Variants in TTC28 observed in about 807,000 individuals in gnomAD.
TTC28 encodes the protein tetratricopeptide repeat protein 28.
Under a neutral mutation model 198.0 loss-of-function variants are expected in TTC28, and 61 were observed. The observed-to-expected ratio is 0.31, with a 90% confidence interval of 0.25 to 0.38. The LOEUF is 0.38. Ranked by LOEUF, TTC28 falls within the 10% of genes least tolerant of loss-of-function variation. The pLI, the probability that TTC28 is intolerant of heterozygous loss-of-function variation, is 1.00. For synonymous variants in TTC28, 1,171 were observed against 1,297.8 expected (o/e 0.90, Z 2.10); for missense variants, 2,678 against 3,164.0 (o/e 0.85, Z 3.69).
intron 2 of TTC28, among the ~76,000 whole-genome samples, chr22:28,349,516 C>T (rs1161986552): frequency 6.6e-6 from 1 of 152,118 alleles, no homozygotes; most frequent in African/African-American, 2.4e-5. Flanking sequence ...AAAGAGCAAA[C>T]TCTCTCAGAC....
chr22:28,363,863 T>A (rs1055466441), intron 2 of TTC28, among the ~76,000 whole-genome samples: 18 of 152,302 alleles, frequency 1.2e-4, no homozygotes, highest in African/African-American at 4.3e-4. Context: ...AATGGCTGTA[T>A]TTTACCCAAT....
At chr22:28,058,982 A>G (rs73880381) in intron 12 of TTC28, among the ~76,000 whole-genome samples, 10,493 of 151,972 alleles carry the variant, frequency 0.069, 424 homozygotes, top group South Asian at 0.091. Flanking sequence ...TTCATGTTCC[A>G]TCTCTTTCCT....
At chr22:28,159,056 C>T (rs2147041095) in intron 6 of TTC28, among the ~76,000 whole-genome samples, 1 of 152,234 alleles carries the variant, frequency 6.6e-6, no homozygotes, top group South Asian at 2.1e-4. Flanking sequence ...GGCACTCAAA[C>T]AATCTACAGG....
At chr22:28,673,111 A>C (rs1017591599) in intron 1 of TTC28, among the ~76,000 whole-genome samples, 20 of 152,326 alleles carry the variant, frequency 1.3e-4, no homozygotes, top group African/African-American at 4.6e-4. Context: ...GCGGTGGCTC[A>C]CACCTGTAAT....
rs188713565 is a variant in TTC28 at position 28,483,147 on chromosome 22, G to A, written c.381+146405C>T. 3.4e-3 allele frequency among the ~76,000 whole-genome samples: 513 copies of A among 152,270 alleles called. 2 individuals are homozygous for A. Among genetic ancestry groups the A allele is most frequent in the Admixed American group, 6.1e-3 (93 of 15,294 alleles). On this transcript the variant is annotated intron_variant, in intron 2 of 22. Transcript: ENST00000397906. ...TGGCCGAGCTGTTTTCCACAGTCAA[G>A]CAAGCATTTCTGAGCACCAGACATG...
intron 13 of TTC28, among the ~76,000 whole-genome samples, chr22:28,020,894 A>C (rs1389702167): frequency 2.0e-5 from 3 of 152,120 alleles, no homozygotes; most frequent in East Asian, 3.9e-4. Flanking sequence ...AAGCTCCTTC[A>C]GGCAGCTAGG....
intron 2 of TTC28, among the ~76,000 whole-genome samples, chr22:28,529,770 C>A (rs1449043836): frequency 6.6e-6 from 1 of 152,190 alleles, no homozygotes; most frequent in African/African-American, 2.4e-5. Flanking sequence ...TGCAGCCTCT[C>A]CTGGTGACAC....
intron 2 of TTC28, among the ~76,000 whole-genome samples, chr22:28,321,135 A>G (rs1474220578): frequency 1.3e-5 from 2 of 152,322 alleles, no homozygotes; most frequent in Non-Finnish European, 2.9e-5. Context: ...ACAAACAGGC[A>G]TTGGCTGAGA....
intron 2 of TTC28, among the ~76,000 whole-genome samples, chr22:28,539,693 G>A (rs754011846): frequency 5.3e-5 from 8 of 151,726 alleles, no homozygotes. Context: ...ACAGTCAAAT[G>A]GGGAGAAGAA....
chr22:28,567,414 T>G (rs1355458424), intron 2 of TTC28, among the ~76,000 whole-genome samples: 2 of 139,814 alleles, frequency 1.4e-5, no homozygotes, highest in Non-Finnish European at 3.1e-5. Context: ...AAAATATATA[T>G]ATACACACTC....
At chr22:28,647,362 A>C (rs1357327820) in intron 1 of TTC28, among the ~76,000 whole-genome samples, 1 of 152,204 alleles carries the variant, frequency 6.6e-6, no homozygotes, top group African/African-American at 2.4e-5. Context: ...AAGCAAAAGC[A>C]ACAAAGACAA....
chr22:28,582,328 T>C (rs772958481), intron 2 of TTC28, among the ~76,000 whole-genome samples: 18 of 152,122 alleles, frequency 1.2e-4, no homozygotes. Context: ...AAATTACACA[T>C]AGATTATGTC....
At chr22:28,041,540 C>T (rs2146674443) in intron 12 of TTC28, among the ~76,000 whole-genome samples, 1 of 152,290 alleles carries the variant, frequency 6.6e-6, no homozygotes, top group East Asian at 1.9e-4. Flanking sequence ...ATGTAGAAAG[C>T]TGAAACTGGA....
chr22:28,566,721 GA>G (rs1304737410), intron 2 of TTC28, among the ~76,000 whole-genome samples: 3 of 151,924 alleles, frequency 2.0e-5, no homozygotes, highest in African/African-American at 7.2e-5. Context: ...AGAACAAAGA[GA>G]AAAAAAGTTC....
chr22:28,399,356 AC>A (rs1569305274), intron 2 of TTC28, among the ~76,000 whole-genome samples: 2 of 139,794 alleles, frequency 1.4e-5, no homozygotes, highest in African/African-American at 5.3e-5. Flanking sequence ...TTGCTCTGTC[AC>A]ATAGGCTGGA....
intron 2 of TTC28, among the ~76,000 whole-genome samples, chr22:28,368,343 C>T (rs180920337): frequency 2.0e-5 from 3 of 152,148 alleles, no homozygotes; most frequent in South Asian, 4.2e-4. Flanking sequence ...TAAAGTTCAA[C>T]GTCCCTTCAT....
At chr22:28,579,705 C>A in intron 2 of TTC28, among the ~76,000 whole-genome samples, 1 of 151,796 alleles carries the variant, frequency 6.6e-6, no homozygotes, top group Admixed American at 6.6e-5. Flanking sequence ...CAGTGGCTCA[C>A]GCCTATAATC....
intron 2 of TTC28, among the ~76,000 whole-genome samples, chr22:28,494,587 C>T (rs1378640516): frequency 6.6e-6 from 1 of 152,160 alleles, no homozygotes; most frequent in African/African-American, 2.4e-5. Flanking sequence ...CCTTGTTCAT[C>T]CTATAAAAGC....
intron 6 of TTC28, among the ~76,000 whole-genome samples, chr22:28,115,756 C>T (rs993065210): frequency 2.0e-5 from 3 of 152,220 alleles, no homozygotes; most frequent in Non-Finnish European, 4.4e-5. Flanking sequence ...AGTGAAGTTA[C>T]GAGCCTGTTA....
Sources: allele counts gnomAD v4.1 joint callset (sites outside exome capture counted in the v4.1 genomes callset), GRCh38; gene constraint gnomAD v4.1.1; transcripts MANE v1.5; gene names NCBI Gene and HGNC (gene_info 2026-07-23, HGNC 2026-07-21).